TMEFF1: variants seen among roughly 807,000 people sequenced by gnomAD.
TMEFF1 encodes tomoregulin-1.
Under a neutral mutation model 47.5 loss-of-function variants are expected in TMEFF1, and 20 were observed. That is an observed-to-expected ratio of 0.42 (90% CI 0.30 to 0.61). TMEFF1 has a LOEUF of 0.61. Ranked by LOEUF, TMEFF1 falls within the 20% of genes least tolerant of loss-of-function variation. The pLI is 0.19. For missense variants in TMEFF1, 411 were observed against 471.1 expected (o/e 0.87, Z 1.18); for synonymous variants, 162 against 166.3 (o/e 0.97, Z 0.20).
At chr9:100,500,413 G>C (rs1325254677) in intron 2 of TMEFF1, among the ~76,000 whole-genome samples, 2 of 151,918 alleles carry the variant, frequency 1.3e-5, no homozygotes, top group African/African-American at 2.4e-5. Context: ...ACTGTCTCAA[G>C]GTCCCTGATA....
At chr9:100,520,092 A>G (rs1838137395) in intron 5 of TMEFF1, among the ~76,000 whole-genome samples, 1 of 152,196 alleles carries the variant, frequency 6.6e-6, no homozygotes, top group South Asian at 2.1e-4. Flanking sequence ...GTATTGCTCT[A>G]TAGTAAACTA....
chr9:100,550,042 A>G (rs1838802795), intron 6 of TMEFF1, 53 bp from the exon 7 acceptor site: 1 of 1,575,352 alleles, frequency 6.3e-7, no homozygotes, highest in Non-Finnish European at 8.6e-7. Flanking sequence ...GAGTATCATG[A>G]TATGACTTAA....
chr9:100,480,942 G>A (rs913567433), intron 1 of TMEFF1, among the ~76,000 whole-genome samples: 1 of 152,150 alleles, frequency 6.6e-6, no homozygotes, highest in African/African-American at 2.4e-5. Context: ...ATCAAAACTG[G>A]TTTCATGGAG....
Position 100,498,697 on chromosome 9 carries a change from A to G in TMEFF1, c.197-68A>G, listed in dbSNP as rs544987468. The G allele has an allele frequency of 2.3e-3, 3,261 of 1,426,916 alleles. 12 individuals are homozygous for G. The highest frequency in any genetic ancestry group is 1.9e-3 in the Non-Finnish European group (1,991 of 1,023,578). 88.4% of individuals were successfully genotyped at this position (1,426,916 alleles called of 1,614,324 possible). A position where few individuals can be genotyped will look rare whatever the true frequency, so the allele number is the denominator to read the frequency against. ...AGGACTTTTTCATACACACACACAC[A>G]CGCGCACAGACACACACACGTAATA... On this transcript the variant is annotated intron_variant, in intron 1 of 9. Transcript: ENST00000374879.
chr9:100,536,065 AAAC>A (rs1365999538), intron 5 of TMEFF1, among the ~76,000 whole-genome samples: 15 of 152,232 alleles, frequency 9.9e-5, no homozygotes, highest in African/African-American at 2.7e-4. Flanking sequence ...ATATATTAAA[AAAC>A]AATATCTTCT....
chr9:100,486,679 A>G (rs764357265), intron 1 of TMEFF1, among the ~76,000 whole-genome samples: 1 of 152,018 alleles, frequency 6.6e-6, no homozygotes, highest in Non-Finnish European at 1.5e-5. Context: ...TCTGTTGTCA[A>G]AGCTGGAGTG....
In TMEFF1 at chr9:100,576,699, C is replaced by T; in HGVS notation, c.*99C>T. Reference sequence around the variant, plus strand: ...TTATTTCAGAGGCCTTATTTTTGGACATTTTTAGTGTAGTACTGTTGGCTC... The same window carrying T: ...TTATTTCAGAGGCCTTATTTTTGGATATTTTTAGTGTAGTACTGTTGGCTC... On this transcript the variant is annotated 3_prime_UTR_variant, in exon 10 of 10. Coordinates refer to ENST00000374879, the MANE Select transcript of TMEFF1 (RefSeq NM_003692.5). The T allele has an allele frequency of 1.4e-6, 2 of 1,430,202 alleles. No homozygotes were observed. Among genetic ancestry groups the T allele is most frequent in the Non-Finnish European group, 1.9e-6 (2 of 1,058,416 alleles). 88.6% of individuals were successfully genotyped at this position (1,430,202 alleles called of 1,614,324 possible). A position where few individuals can be genotyped will look rare whatever the true frequency, so the allele number is the denominator to read the frequency against.
chr9:100,499,853 A>G (rs1837726110), intron 2 of TMEFF1, among the ~76,000 whole-genome samples: 1 of 152,234 alleles, frequency 6.6e-6, no homozygotes, highest in African/African-American at 2.4e-5. Flanking sequence ...AATTAAAAGA[A>G]GTGGAGAGTT....
chr9:100,515,201 T>A (rs10116458), intron 4 of TMEFF1, among the ~76,000 whole-genome samples: 3,796 of 152,112 alleles, frequency 0.025, 100 homozygotes, highest in African/African-American at 0.065. Context: ...TGACCATTTT[T>A]AAAAAATTTT....
In TMEFF1 at chr9:100,561,374, G is replaced by A. The variant is rs769059546; in HGVS notation, c.776-23G>A. On this transcript the variant is annotated intron_variant, in intron 7 of 9. Coordinates refer to ENST00000374879, the MANE Select transcript of TMEFF1 (RefSeq NM_003692.5). The stretch of plus-strand genomic sequence containing the variant: ...TTCAGCTTGCGTTTCATTGTTGAAC[G>A]ATCTGGTTTATGTTCTTTTAAGATG... The A allele has an allele frequency of 8.1e-6, 13 of 1,600,326 alleles. No homozygotes were observed. The African/African-American group carries it at 9.5e-5, about 12-fold the overall frequency.
chr9:100,547,140 C>G (rs1412009679), intron 5 of TMEFF1, among the ~76,000 whole-genome samples: 1 of 152,082 alleles, frequency 6.6e-6, no homozygotes, highest in African/African-American at 2.4e-5. Flanking sequence ...CTCAGCCTTC[C>G]AAGTAGTGGA....
chr9:100,572,386 C>A, intron 8 of TMEFF1, 132 bp from the exon 9 acceptor site: 1 of 1,030,158 alleles, frequency 9.7e-7, no homozygotes, highest in Non-Finnish European at 1.3e-6. Flanking sequence ...ATTTTTCCCC[C>A]AGATGGTAGG....
intron 1 of TMEFF1, among the ~76,000 whole-genome samples, chr9:100,485,156 G>A (rs1837425458): frequency 6.6e-6 from 1 of 151,970 alleles, no homozygotes; most frequent in African/African-American, 2.4e-5. Flanking sequence ...ATATTTCATT[G>A]TCTCGATAAT....
chr9:100,504,223 A>G (rs1837816676), intron 2 of TMEFF1, among the ~76,000 whole-genome samples: 1 of 152,214 alleles, frequency 6.6e-6, no homozygotes, highest in Admixed American at 6.5e-5. Context: ...CAGAAATCGC[A>G]TGTTGTTAAA....
At chr9:100,526,640 A>G (rs573997637) in intron 5 of TMEFF1, among the ~76,000 whole-genome samples, 53 of 152,222 alleles carry the variant, frequency 3.5e-4, no homozygotes, top group African/African-American at 1.2e-3. Flanking sequence ...TATTCTATCT[A>G]TTGAAAGAGT....
chr9:100,575,784 G>C (rs969745707), intron 9 of TMEFF1, among the ~76,000 whole-genome samples: 1 of 151,668 alleles, frequency 6.6e-6, no homozygotes, highest in Non-Finnish European at 1.5e-5. Flanking sequence ...ATTCGTCTTA[G>C]CCCCCTTACT....
chr9:100,490,865 G>GTGTGTGTATGTGTGTA (rs1554682730), intron 1 of TMEFF1, among the ~76,000 whole-genome samples: 3 of 148,036 alleles, frequency 2.0e-5, no homozygotes, highest in African/African-American at 7.7e-5. Context: ...GTGTGTGTGT[G>GTGTGTGTATGTGTGTA]TGTGTGTATG....
intron 6 of TMEFF1, among the ~76,000 whole-genome samples, chr9:100,548,771 T>G (rs1200959163): frequency 1.3e-5 from 2 of 152,240 alleles, no homozygotes; most frequent in African/African-American, 4.8e-5. Context: ...CACAATTGAT[T>G]GCAGTACCTC....
At chr9:100,554,273 C>G (rs1482684233) in intron 7 of TMEFF1, among the ~76,000 whole-genome samples, 1 of 152,076 alleles carries the variant, frequency 6.6e-6, no homozygotes, top group Non-Finnish European at 1.5e-5. Context: ...TATGCCTCAT[C>G]AAAAGGAAAG....
Sources: allele counts gnomAD v4.1 joint callset (sites outside exome capture counted in the v4.1 genomes callset), GRCh38; gene constraint gnomAD v4.1.1; transcripts MANE v1.5; gene names NCBI Gene and HGNC (gene_info 2026-07-23, HGNC 2026-07-21).